The following L3MBTL4 variants were observed in gnomAD, a reference collection of about 807,000 sequenced individuals.
L3MBTL4 encodes the protein lethal(3)malignant brain tumor-like protein 4.
A neutral mutation model predicts 84.5 loss-of-function variants in L3MBTL4; 70 were observed. The ratio of observed to expected loss-of-function variants is 0.83; its 90% CI spans 0.68 to 1.01. The LOEUF (loss-of-function observed/expected upper bound fraction) is 1.01. Ranked by LOEUF, L3MBTL4 falls within the 50% of genes least tolerant of loss-of-function variation. The probability of loss-of-function intolerance (pLI) is 0.00; values close to 1 mark genes in which losing one functional copy is unlikely to be tolerated. For missense variants in L3MBTL4, 715 were observed against 754.8 expected (o/e 0.95, Z 0.62); for synonymous variants, 274 against 259.8 (o/e 1.05, Z -0.52).
intron 16 of L3MBTL4, among the ~76,000 whole-genome samples, chr18:6,004,996 A>ATTTTTTTTTTT (rs1567973105): frequency 2.4e-5 from 1 of 42,000 alleles, no homozygotes; most frequent in African/African-American, 5.6e-5. Context: ...TTAAGATGAT[A>ATTTTTTTTTTT]ATTTTTTTTT....
chr18:6,210,588 A>G (rs1192252825), intron 12 of L3MBTL4, among the ~76,000 whole-genome samples: 1 of 152,174 alleles, frequency 6.6e-6, no homozygotes, highest in East Asian at 1.9e-4. Flanking sequence ...CTTATTTCAC[A>G]TGGTTGCAGG....
intron 13 of L3MBTL4, among the ~76,000 whole-genome samples, chr18:6,161,631 C>T (rs1046583626): frequency 5.3e-5 from 8 of 152,098 alleles, no homozygotes; most frequent in Non-Finnish European, 1.0e-4. Flanking sequence ...TATAGAGAAC[C>T]AGCAAGTTCT....
intron 16 of L3MBTL4, among the ~76,000 whole-genome samples, chr18:5,995,276 C>T (rs1009580942): frequency 6.6e-6 from 1 of 152,248 alleles, no homozygotes; most frequent in Non-Finnish European, 1.5e-5. Flanking sequence ...TAAATCTGAA[C>T]ATTCTCGCCA....
chr18:6,116,783 T>C (rs1473480888), intron 14 of L3MBTL4, among the ~76,000 whole-genome samples: 1 of 152,236 alleles, frequency 6.6e-6, no homozygotes, highest in Non-Finnish European at 1.5e-5. Flanking sequence ...ATGCTGTTTA[T>C]AACATAATTA....
intron 16 of L3MBTL4, among the ~76,000 whole-genome samples, chr18:5,995,200 A>T (rs889653591): frequency 2.6e-5 from 4 of 152,260 alleles, no homozygotes; most frequent in Non-Finnish European, 5.9e-5. Flanking sequence ...CCATGCAGGG[A>T]TACTGCAAGG....
intron 13 of L3MBTL4, among the ~76,000 whole-genome samples, chr18:6,156,121 G>A (rs930234576): frequency 6.6e-6 from 1 of 152,176 alleles, no homozygotes; most frequent in Non-Finnish European, 1.5e-5. Flanking sequence ...ATAAGAAAAA[G>A]CATCTTTAAG....
intron 14 of L3MBTL4, among the ~76,000 whole-genome samples, chr18:6,130,687 T>C (rs2059849741): frequency 6.6e-6 from 1 of 152,160 alleles, no homozygotes; most frequent in South Asian, 2.1e-4. Flanking sequence ...TCTACTCATT[T>C]GGAAAAAAAA....
intron 1 of L3MBTL4, among the ~76,000 whole-genome samples, chr18:6,351,913 T>C (rs2053218220): frequency 6.6e-6 from 1 of 151,882 alleles, no homozygotes; most frequent in Admixed American, 6.6e-5. Context: ...CTCAAACTCC[T>C]GGCCTCAAGC....
intron 12 of L3MBTL4, among the ~76,000 whole-genome samples, chr18:6,198,596 T>C (rs761743923): frequency 1.2e-4 from 18 of 152,226 alleles, no homozygotes; most frequent in Non-Finnish European, 2.4e-4. Flanking sequence ...AGCCACCTGC[T>C]TTAAGCTTCA....
intron 14 of L3MBTL4, among the ~76,000 whole-genome samples, chr18:6,107,800 G>T (rs556357942): frequency 6.6e-6 from 1 of 152,190 alleles, no homozygotes; most frequent in Non-Finnish European, 1.5e-5. Context: ...TGAAGCAGAA[G>T]ATAGATGCAT....
intron 4 of L3MBTL4, among the ~76,000 whole-genome samples, chr18:6,266,873 A>G (rs1439716169): frequency 1.3e-5 from 2 of 152,154 alleles, no homozygotes; most frequent in Non-Finnish European, 2.9e-5. Context: ...CAGTGAGTGA[A>G]GATCGTGCCA....
chr18:5,983,766 A>G (rs960471673), intron 16 of L3MBTL4, among the ~76,000 whole-genome samples: 103 of 152,208 alleles, frequency 6.8e-4, no homozygotes, highest in Admixed American at 5.2e-4. Context: ...CCACTTCCCA[A>G]ATAGCCCAGG....
intron 12 of L3MBTL4, among the ~76,000 whole-genome samples, chr18:6,207,699 G>A (rs2045931074): frequency 6.6e-6 from 1 of 152,150 alleles, no homozygotes; most frequent in South Asian, 2.1e-4. Flanking sequence ...AATGAAGACA[G>A]CCATCAATCA....
intron 5 of L3MBTL4, chr18:6,260,298 A>C (rs545300428): frequency 6.6e-6 from 1 of 152,248 alleles, no homozygotes; most frequent in South Asian, 2.1e-4. Flanking sequence ...TTTTAGAGTA[A>C]GTTTTTTTGG....
intron 13 of L3MBTL4, among the ~76,000 whole-genome samples, chr18:6,152,231 A>C (rs189272050): frequency 4.0e-4 from 61 of 152,248 alleles, no homozygotes; most frequent in Middle Eastern, 3.4e-3. Flanking sequence ...ATTTCATTTC[A>C]TTTGGATACA....
At chr18:5,958,122 AAGAAGAAAAAG>A (rs2095241921) in intron 18 of L3MBTL4, among the ~76,000 whole-genome samples, 115 of 49,076 alleles carry the variant, frequency 2.3e-3, no homozygotes, top group Non-Finnish European at 3.1e-3. Context: ...GAAGAAGAAG[AAGAAGAAAAAG>A]AAGAAGAAGA....
chr18:6,406,439 A>G (rs2055739160), intron 1 of L3MBTL4, among the ~76,000 whole-genome samples: 1 of 152,194 alleles, frequency 6.6e-6, no homozygotes, highest in Non-Finnish European at 1.5e-5. Context: ...GTGCTTTTCG[A>G]TTCATATTCT....
intron 14 of L3MBTL4, among the ~76,000 whole-genome samples, chr18:6,127,110 A>G (rs2059719988): frequency 6.6e-6 from 1 of 152,210 alleles, no homozygotes; most frequent in South Asian, 2.1e-4. Flanking sequence ...CAGTGTTTCA[A>G]TCAGCCACTG....
intron 13 of L3MBTL4, among the ~76,000 whole-genome samples, chr18:6,157,876 A>T (rs983464778): frequency 1.3e-5 from 2 of 152,210 alleles, no homozygotes; most frequent in Admixed American, 6.5e-5. Context: ...AATTATTTAG[A>T]CATGGAAGCT....
Sources: allele counts gnomAD v4.1 joint callset (sites outside exome capture counted in the v4.1 genomes callset), GRCh38; gene constraint gnomAD v4.1.1; transcripts MANE v1.5; gene names NCBI Gene and HGNC (gene_info 2026-07-23, HGNC 2026-07-21).